ATXN2: variants seen among roughly 807,000 people sequenced by gnomAD.
ATXN2 encodes the protein ataxin-2.
In ATXN2, 37 loss-of-function variants were observed where a neutral mutation model predicts 138.6. The observed-to-expected ratio is 0.27, with a 90% confidence interval of 0.21 to 0.35. The LOEUF (loss-of-function observed/expected upper bound fraction) is 0.35. ATXN2 is among the 10% of genes least tolerant of loss of function. ATXN2 has a pLI of 1.00. For missense variants in ATXN2, 1,216 were observed against 1,480.3 expected, an observed-to-expected ratio of 0.82 and a Z score of 2.93; for synonymous variants, 549 against 543.7, an observed-to-expected ratio of 1.01 and a Z score of -0.13.
chr12:111,528,438 C>T (rs769015936), intron 5 of ATXN2, among the ~76,000 whole-genome samples: 3 of 152,098 alleles, frequency 2.0e-5, no homozygotes, highest in African/African-American at 4.8e-5. Context: ...AGCAAGCAAG[C>T]GTCTAAAACT....
At chr12:111,594,175 T>C in intron 1 of ATXN2, among the ~76,000 whole-genome samples, 1 of 152,192 alleles carries the variant, frequency 6.6e-6, no homozygotes, top group East Asian at 1.9e-4. Context: ...ATGTTTGCTT[T>C]ATTCACTGAT....
chr12:111,562,556 A>G (rs1882753750), intron 1 of ATXN2, among the ~76,000 whole-genome samples: 1 of 151,828 alleles, frequency 6.6e-6, no homozygotes, highest in Non-Finnish European at 1.5e-5. Context: ...TCCTGTCTCT[A>G]CTGAACATAC....
intron 18 of ATXN2, 53 bp from the exon 19 acceptor site, chr12:111,470,795 C>CA (rs1223259578): frequency 6.4e-7 from 1 of 1,566,054 alleles, no homozygotes; most frequent in African/African-American, 1.4e-5. Context: ...CAGCATAATA[C>CA]ATGTGTTCAC....
intron 1 of ATXN2, among the ~76,000 whole-genome samples, chr12:111,584,073 T>TA (rs952554286): frequency 1.4e-5 from 2 of 147,742 alleles, no homozygotes; most frequent in Middle Eastern, 3.4e-3. Context: ...ACTATATCAA[T>TA]AAAAAATTAC....
intron 10 of ATXN2, among the ~76,000 whole-genome samples, chr12:111,514,074 C>G (rs920205129): frequency 2.0e-5 from 3 of 152,136 alleles, no homozygotes; most frequent in Non-Finnish European, 4.4e-5. Context: ...TTAAATTTCT[C>G]TAAAATTTTA....
At chr12:111,543,992 C>T (rs1441788717) in intron 5 of ATXN2, among the ~76,000 whole-genome samples, 3 of 152,006 alleles carry the variant, frequency 2.0e-5, no homozygotes, top group Non-Finnish European at 4.4e-5. Context: ...GTGGGAGAGT[C>T]GCTTGAGCCA....
chr12:111,452,970 T>G, intron 24 of ATXN2, 130 bp from the exon 25 acceptor site: 1 of 592,458 alleles, frequency 1.7e-6, no homozygotes, highest in Non-Finnish European at 2.0e-6. Flanking sequence ...AATTCGCTTT[T>G]CCCCCTCCCA....
At chr12:111,514,054 C>T (rs1480549895) in intron 10 of ATXN2, among the ~76,000 whole-genome samples, 1 of 152,112 alleles carries the variant, frequency 6.6e-6, no homozygotes, top group Non-Finnish European at 1.5e-5. Context: ...AACATATGTA[C>T]ATACCCTTCT....
At chr12:111,597,838 C>A (rs932804119) in intron 1 of ATXN2, 1 of 1,275,396 alleles carries the variant, frequency 7.8e-7, no homozygotes, top group Non-Finnish European at 1.0e-6. Context: ...GGGATAAGTG[C>A]GCAGGGTGCC....
chr12:111,541,295 A>G lies in ATXN2; in HGVS notation c.571+10985T>C, dbSNP rs555737792. Among the ~76,000 whole-genome samples the G allele has an allele frequency of 3.9e-4, 58 of 148,734 alleles. 1 individual carries two copies. Among genetic ancestry groups the G allele is most frequent in the African/African-American group, 1.3e-3 (53 of 41,036 alleles). On this transcript the variant is annotated intron_variant, in intron 5 of 24. Transcript: ENST00000673436. ...TATTGCATATTAATAAAATACCCAC[A>G]TAAATTCAGTTTTGGATGCTCCATA...
chr12:111,574,368 G>T (rs1883516646), intron 1 of ATXN2, among the ~76,000 whole-genome samples: 1 of 145,166 alleles, frequency 6.9e-6, no homozygotes, highest in South Asian at 2.2e-4. Context: ...TATAGACTAT[G>T]AACAACTAAA....
chr12:111,520,791 TA>T (rs1178938278), intron 7 of ATXN2, 90 bp downstream of exon 7: 1 of 708,418 alleles, frequency 1.4e-6, no homozygotes, highest in East Asian at 3.1e-5. Flanking sequence ...TTGTTTAACT[TA>T]AAAACTAACA....
At position 111,510,418 on chromosome 12, in the gene ATXN2, C is replaced by A. The variant is rs375836214; in HGVS notation, c.1723G>T (p.Ala575Ser). The change falls in exon 12 of 25, where the codon GCA becomes TCA. Residue 575 changes from alanine to serine, a missense_variant. Physicochemically the swap from Ala to Ser is moderately conservative, Grantham distance 99 (BLOSUM62 1). Transcript: ENST00000673436. ...PAASPTPASP[A>S]SNRAVTPSSE... The stretch of plus-strand genomic sequence containing the variant: ...GAAGGGGTAACAGCTCTGTTCGATG[C>A]AGGACTAGCAGGCGTAGGAGATGCA... The A allele has an allele frequency of 1.1e-5, 17 of 1,613,982 alleles. No homozygotes were observed. The highest frequency in any genetic ancestry group is 3.3e-4 in the Middle Eastern group (2 of 6,084).
At position 111,577,256 on chromosome 12, in the gene ATXN2, A is replaced by ATTAT. The variant is rs151038991; in HGVS notation, c.252-21341_252-21338dup. Among the ~76,000 whole-genome samples the ATTAT allele has an allele frequency of 2.5e-3, 374 of 151,610 alleles. 4 individuals are homozygous for ATTAT. Among genetic ancestry groups the ATTAT allele is most frequent in the Admixed American group, 3.5e-3 (54 of 15,238 alleles). On this transcript the variant is annotated intron_variant, in intron 1 of 24. Transcript: ENST00000673436. The stretch of plus-strand genomic sequence containing the variant: ...ATAAACACATGCACCGCATGTTTCA[A>ATTAT]TTATTTATTTATTTATTTATTTATT...
chr12:111,535,671 G>T (rs904348011), intron 5 of ATXN2, among the ~76,000 whole-genome samples: 3 of 151,492 alleles, frequency 2.0e-5, no homozygotes, highest in Non-Finnish European at 4.4e-5. Context: ...CTAACACACA[G>T]AACATGCCAG....
At chr12:111,519,784 T>C (rs1880054278) in intron 8 of ATXN2, 95 bp downstream of exon 8, 1 of 1,581,726 alleles carries the variant, frequency 6.3e-7, no homozygotes, top group African/African-American at 1.3e-5. Flanking sequence ...ACCTAAGCTA[T>C]ATTAAAGGAA....
Position 111,504,482 on chromosome 12 carries a change from G to A in ATXN2, c.1935+5067C>T, listed in dbSNP as rs548253505. Among the ~76,000 whole-genome samples the A allele has an allele frequency of 1.6e-4, 24 of 152,168 alleles. No homozygotes were observed. In the East Asian group the frequency reaches 2.1e-3, roughly 13 times the overall value. On this transcript the variant is annotated intron_variant, in intron 14 of 24. Transcript: ENST00000673436. ...ATTTTTGTATTTTTAGTAGACATGC[G>A]GTTTCACCATTTGGTCAGACTGGTT... is the stretch of plus-strand genomic sequence containing the variant.
intron 5 of ATXN2, among the ~76,000 whole-genome samples, chr12:111,538,318 A>T (rs941650550): frequency 2.0e-5 from 3 of 152,182 alleles, no homozygotes; most frequent in African/African-American, 7.2e-5. Flanking sequence ...GAAAACATTT[A>T]TAAGATAAAA....
In ATXN2 at chr12:111,516,457, A is replaced by T; in HGVS notation, c.1166-94T>A. ...GAAAAAAAGTAAAATGACAAAAATG[A>T]TTTCTTGTACATTTTAACCCTTTGA... On this transcript the variant is annotated intron_variant, in intron 9 of 24. Coordinates refer to ENST00000673436, the MANE Select transcript of ATXN2 (RefSeq NM_001372574.1). The surrounding 1 kb of genome is among the most constrained non-coding windows in gnomAD (Gnocchi z 5.0). 1 of 1,202,472 alleles carries T rather than the reference A, an allele frequency of 8.3e-7. No individual in the cohort carries two copies. The highest frequency in any genetic ancestry group is 1.2e-6 in the Non-Finnish European group (1 of 861,978). 74.5% of individuals were successfully genotyped at this position (1,202,472 alleles called of 1,614,324 possible). A position where few individuals can be genotyped will look rare whatever the true frequency, so the allele number is the denominator to read the frequency against.
Sources: allele counts gnomAD v4.1 joint callset (sites outside exome capture counted in the v4.1 genomes callset), GRCh38; gene constraint gnomAD v4.1.1; non-coding constraint Gnocchi (gnomAD v3.1); transcripts MANE v1.5; gene names NCBI Gene and HGNC (gene_info 2026-07-23, HGNC 2026-07-21).